Variants in NRG1 observed in about 807,000 individuals in gnomAD.
The protein encoded by NRG1 is pro-neuregulin-1, membrane-bound isoform.
A neutral mutation model predicts 63.8 loss-of-function variants in NRG1; 18 were observed. That is an observed-to-expected ratio of 0.28 (90% CI 0.19 to 0.42). NRG1 has a LOEUF of 0.42. NRG1 is among the 10% of genes least tolerant of loss of function. The pLI is 1.00. For missense variants in NRG1, 762 were observed against 814.7 expected, an observed-to-expected ratio of 0.94 and a Z score of 0.79; for synonymous variants, 302 against 301.3, an observed-to-expected ratio of 1.00 and a Z score of -0.02.
chr8:31,708,156 GC>G (rs1444786528), intron 1 of NRG1, among the ~76,000 whole-genome samples: 2 of 152,222 alleles, frequency 1.3e-5, no homozygotes, highest in Admixed American at 1.3e-4. Context: ...TTGTATTTAA[GC>G]CTTACTTGTA....
chr8:32,732,821 T>C (rs941792313), intron 6 of NRG1, among the ~76,000 whole-genome samples: 37 of 147,870 alleles, frequency 2.5e-4, no homozygotes, highest in African/African-American at 9.2e-4. Flanking sequence ...TTTTTTTTTT[T>C]TGAGATGGAG....
chr8:32,335,068 G>GTA lies in NRG1; in HGVS notation c.38-260751_38-260750dup, dbSNP rs966616782. Among the ~76,000 whole-genome samples the GTA allele has an allele frequency of 8.6e-4, 131 of 152,096 alleles. 1 individual carries two copies. The highest frequency in any genetic ancestry group is 2.8e-3 in the African/African-American group (116 of 41,494). On this transcript the variant is annotated intron_variant, in intron 1 of 10. Coordinates refer to the NRG1 transcript ENST00000519301. ...ATAATGATCCATAATTGATATAGTG[G>GTA]TATATATATAATTTATATATTATAC...
chr8:32,382,776 G>GTCAGCAAATACTTCAT (rs1810512369), intron 1 of NRG1, among the ~76,000 whole-genome samples: 1 of 152,154 alleles, frequency 6.6e-6, no homozygotes, highest in Admixed American at 6.5e-5. Flanking sequence ...AGCTGATACA[G>GTCAGCAAATACTTCAT]TCAGCAAATA....
intron 1 of NRG1, among the ~76,000 whole-genome samples, chr8:31,672,607 C>G (rs1807268108): frequency 6.6e-6 from 1 of 151,774 alleles, no homozygotes; most frequent in African/African-American, 2.4e-5. Flanking sequence ...GTTTTCAGAG[C>G]AAATGATAAC....
At chr8:31,959,299 T>C (rs2129625389) in intron 1 of NRG1, among the ~76,000 whole-genome samples, 1 of 152,324 alleles carries the variant, frequency 6.6e-6, no homozygotes, top group African/African-American at 2.4e-5. Context: ...ATACAATTAA[T>C]CTGATTACAA....
At chr8:31,963,015 T>G (rs1424112479) in intron 1 of NRG1, among the ~76,000 whole-genome samples, 1 of 152,204 alleles carries the variant, frequency 6.6e-6, no homozygotes, top group Non-Finnish European at 1.5e-5. Context: ...TAAAAGTGAC[T>G]GCGTGTTCTC....
intron 1 of NRG1, among the ~76,000 whole-genome samples, chr8:32,180,233 C>T (rs1331940631): frequency 3.9e-5 from 6 of 152,092 alleles, no homozygotes; most frequent in Non-Finnish European, 5.9e-5. Flanking sequence ...TCATTCTCTA[C>T]GCTTTGGCAG....
At chr8:32,150,002 A>G (rs1284817372) in intron 1 of NRG1, among the ~76,000 whole-genome samples, 1 of 152,224 alleles carries the variant, frequency 6.6e-6, no homozygotes, top group Non-Finnish European at 1.5e-5. Flanking sequence ...ATTTTTTAAA[A>G]ATCATCCTTA....
intron 1 of NRG1, among the ~76,000 whole-genome samples, chr8:31,830,322 C>A (rs1157444890): frequency 1.3e-5 from 1 of 78,114 alleles, no homozygotes; most frequent in Admixed American, 1.5e-4. Context: ...TCCTTCCTTC[C>A]TTCCTTCCTT....
At chr8:32,555,027 C>T (rs1488495646) in intron 1 of NRG1, among the ~76,000 whole-genome samples, 1 of 151,860 alleles carries the variant, frequency 6.6e-6, no homozygotes, top group Admixed American at 6.6e-5. Flanking sequence ...AGTTTGTTTT[C>T]CAGCTGGACC....
At position 32,715,794 on chromosome 8, in the gene NRG1, C is replaced by T. The variant is rs186417962; in HGVS notation, c.503-12155C>T. Among the ~76,000 whole-genome samples the T allele has an allele frequency of 1.7e-3, 263 of 152,152 alleles. 1 individual carries two copies. The highest frequency in any genetic ancestry group is 6.0e-3 in the African/African-American group (251 of 41,526). On this transcript the variant is annotated intron_variant, in intron 5 of 11. Transcript: ENST00000356819. Reference sequence around the variant, plus strand: ...GCTGAGTAGCCTCCTGAGGCGTGTGCCACCACACCCATCTAATTTTTGTAT... The same window carrying T: ...GCTGAGTAGCCTCCTGAGGCGTGTGTCACCACACCCATCTAATTTTTGTAT...
intron 1 of NRG1, among the ~76,000 whole-genome samples, chr8:32,305,787 G>T (rs1306269585): frequency 2.0e-5 from 3 of 152,134 alleles, no homozygotes; most frequent in Non-Finnish European, 4.4e-5. Context: ...ATTTTTTGTA[G>T]TTAGTAAATA....
At chr8:31,903,491 T>A (rs899049593) in intron 1 of NRG1, among the ~76,000 whole-genome samples, 1 of 151,834 alleles carries the variant, frequency 6.6e-6, no homozygotes, top group Non-Finnish European at 1.5e-5. Context: ...CTAAACATCA[T>A]GGCAAAGAGT....
intron 1 of NRG1, among the ~76,000 whole-genome samples, chr8:31,692,996 G>A (rs1276709401): frequency 2.0e-5 from 3 of 152,202 alleles, no homozygotes; most frequent in Non-Finnish European, 1.5e-5. Context: ...CATCAGGGAA[G>A]TTATGCAAAG....
intron 1 of NRG1, among the ~76,000 whole-genome samples, chr8:31,658,944 CA>C (rs1413416432): frequency 6.6e-6 from 1 of 152,138 alleles, no homozygotes; most frequent in African/African-American, 2.4e-5. Flanking sequence ...AAATGCATGC[CA>C]AAGGTCCTTT....
intron 1 of NRG1, among the ~76,000 whole-genome samples, chr8:31,660,505 C>T (rs574620270): frequency 6.6e-6 from 1 of 152,256 alleles, no homozygotes; most frequent in East Asian, 1.9e-4. Context: ...AAGAATGTTG[C>T]ATATATTATT....
chr8:32,458,365 A>G (rs1031307453), intron 1 of NRG1, among the ~76,000 whole-genome samples: 1 of 152,226 alleles, frequency 6.6e-6, no homozygotes, highest in African/African-American at 2.4e-5. Flanking sequence ...ATGCTGAGCC[A>G]TGTTCTGGCC....
chr8:31,771,882 C>G (rs1243019086), intron 1 of NRG1, among the ~76,000 whole-genome samples: 1 of 152,148 alleles, frequency 6.6e-6, no homozygotes, highest in Non-Finnish European at 1.5e-5. Context: ...AAAATACAAG[C>G]ACAGTGCAAA....
intron 1 of NRG1, among the ~76,000 whole-genome samples, chr8:31,773,002 T>C (rs1818781088): frequency 6.6e-6 from 1 of 152,182 alleles, no homozygotes. Context: ...ACTTACTGTA[T>C]GATATGTCCA....
Sources: gnomAD v4.1 joint callset for allele counts (sites outside exome capture counted in the v4.1 genomes callset) on GRCh38, gnomAD v4.1.1 for gene constraint, MANE v1.5 for transcripts, NCBI Gene and HGNC (gene_info 2026-07-23, HGNC 2026-07-21) for gene names.